The following ZDHHC11B variants were observed in gnomAD, a reference collection of about 807,000 sequenced individuals.
ZDHHC11B encodes the protein probable palmitoyltransferase ZDHHC11B.
A neutral mutation model predicts 42.3 loss-of-function variants in ZDHHC11B; 17 were observed. The ratio of observed to expected loss-of-function variants is 0.40; its 90% confidence interval spans 0.27 to 0.60. The LOEUF (loss-of-function observed/expected upper bound fraction) is 0.60. Among genes scored for constraint, ZDHHC11B ranks in the 20% least tolerant of loss-of-function variants. The pLI is 0.41. For synonymous variants in ZDHHC11B, 123 were observed against 193.5 expected (o/e 0.64, Z 3.02); for missense variants, 262 against 463.2 (o/e 0.57, Z 3.99).
chr5:731,701 TG>T (rs1743030811), intron 11 of ZDHHC11B, among the ~76,000 whole-genome samples: 1 of 151,962 alleles, frequency 6.6e-6, no homozygotes, highest in South Asian at 2.1e-4. Flanking sequence ...CAATTTTAAA[TG>T]CTTAAAGTCA....
At chr5:775,985 C>T (rs1232693848) in intron 1 of ZDHHC11B, among the ~76,000 whole-genome samples, 1 of 147,294 alleles carries the variant, frequency 6.8e-6, no homozygotes, top group Non-Finnish European at 1.5e-5. Flanking sequence ...CCCTGGTCCT[C>T]TCTCCATGGG....
intron 1 of ZDHHC11B, among the ~76,000 whole-genome samples, chr5:783,377 T>G (rs906669930): frequency 2.0e-5 from 3 of 152,248 alleles, no homozygotes; most frequent in Non-Finnish European, 4.4e-5. Context: ...CCGGCCTTGG[T>G]CCAGCCCCAT....
intron 10 of ZDHHC11B, among the ~76,000 whole-genome samples, chr5:736,119 A>G (rs1405076874): frequency 8.1e-5 from 12 of 148,980 alleles, no homozygotes; most frequent in South Asian, 2.3e-4. Context: ...GTAAAGTGGC[A>G]GAAAAGATAT....
intron 10 of ZDHHC11B, among the ~76,000 whole-genome samples, chr5:737,938 G>A (rs868108615): frequency 7.6e-6 from 1 of 131,432 alleles, no homozygotes; most frequent in African/African-American, 2.9e-5. Context: ...CACAGTACTG[G>A]AAGATCTAGC....
intron 1 of ZDHHC11B, among the ~76,000 whole-genome samples, chr5:777,906 G>A (rs1407777781): frequency 1.3e-5 from 2 of 151,278 alleles, no homozygotes; most frequent in African/African-American, 4.8e-5. Flanking sequence ...GAGGGAGCCC[G>A]GGGCGGGGGA....
chr5:772,402 C>T (rs1736135462), intron 1 of ZDHHC11B, among the ~76,000 whole-genome samples: 1 of 150,718 alleles, frequency 6.6e-6, no homozygotes, highest in South Asian at 2.1e-4. Flanking sequence ...CTACTGAAGA[C>T]AGACACTGCC....
intron 1 of ZDHHC11B, among the ~76,000 whole-genome samples, chr5:778,515 T>A (rs1362805039): frequency 1.3e-5 from 2 of 151,240 alleles, no homozygotes; most frequent in African/African-American, 2.4e-5. Flanking sequence ...CAGCGCAGCT[T>A]CACTGAGTGC....
At chr5:771,477 CGTGGGGGCAGGATCCTG>C (rs1425343757) in intron 1 of ZDHHC11B, among the ~76,000 whole-genome samples, 28 of 47,090 alleles carry the variant, frequency 5.9e-4, no homozygotes, top group African/African-American at 1.2e-3. Context: ...GGCAGGACCG[CGTGGGGGCAGGATCCTG>C]GTGGGGGCAG....
In ZDHHC11B at chr5:730,482, G is replaced by A. The variant is rs769806845; in HGVS notation, c.1024-14C>T. On this transcript the variant is annotated splice_polypyrimidine_tract_variant and intron_variant, in intron 11 of 13. Transcript: ENST00000508859. ...ATCATCTGCTTCCTGTGGGGGGAAG[G>A]GAAGCAAAATTCTTAGGATGAACAA... The A allele has an allele frequency of 2.6e-6, 4 of 1,554,730 alleles. No individual in the cohort carries two copies. The highest frequency in any genetic ancestry group is 3.4e-6 in the Non-Finnish European group (4 of 1,160,820).
chr5:760,759 T>C (rs757618291), intron 4 of ZDHHC11B, among the ~76,000 whole-genome samples: 1 of 151,778 alleles, frequency 6.6e-6, no homozygotes, highest in Non-Finnish European at 1.5e-5. Flanking sequence ...CAGAAAGCGA[T>C]ATGCCTGAGA....
intron 9 of ZDHHC11B, among the ~76,000 whole-genome samples, chr5:744,465 T>A (rs1744515528): frequency 6.7e-6 from 1 of 149,138 alleles, no homozygotes; most frequent in South Asian, 2.3e-4. Context: ...GATTTTAAAT[T>A]AGTAGTTTAG....
In ZDHHC11B at chr5:784,654, C is replaced by T. The variant is rs1323598519; in HGVS notation, c.-230+14G>A. ...CGCGCCGCGCCCGCAGGACCGAGCC[C>T]CGCGCCCGCTTACCTTGGAGACGCA... On this transcript the variant is annotated intron_variant, in intron 1 of 13. Transcript: ENST00000508859. 6.6e-6 allele frequency among the ~76,000 whole-genome samples: 1 copy of T among 151,090 alleles called. No individual in the cohort carries two copies. Among genetic ancestry groups the T allele is most frequent in the Non-Finnish European group, 1.5e-5 (1 of 67,542 alleles).
intron 7 of ZDHHC11B, among the ~76,000 whole-genome samples, chr5:749,552 A>G (rs1223344405): frequency 7.7e-6 from 1 of 129,716 alleles, no homozygotes; most frequent in African/African-American, 2.5e-5. Context: ...TGACATCACG[A>G]TGAGTTCAGC....
At chr5:750,547 T>C (rs1364403883) in intron 7 of ZDHHC11B, among the ~76,000 whole-genome samples, 1 of 130,564 alleles carries the variant, frequency 7.7e-6, no homozygotes, top group African/African-American at 2.5e-5. Flanking sequence ...CGCAGGCCCA[T>C]TTCCCGAGGA....
At chr5:759,095 A>G (rs1355201833) in intron 4 of ZDHHC11B, among the ~76,000 whole-genome samples, 2 of 151,920 alleles carry the variant, frequency 1.3e-5, no homozygotes, top group Non-Finnish European at 2.9e-5. Flanking sequence ...TAAAAAGTAA[A>G]AGAAGTAGAG....
intron 12 of ZDHHC11B, among the ~76,000 whole-genome samples, chr5:728,614 G>A (rs1742768477): frequency 6.6e-6 from 1 of 151,982 alleles, no homozygotes; most frequent in Non-Finnish European, 1.5e-5. Context: ...AATTCAGGAA[G>A]GGAGGTGCAG....
intron 11 of ZDHHC11B, among the ~76,000 whole-genome samples, chr5:730,904 C>G (rs527822906): frequency 6.6e-6 from 1 of 151,848 alleles, no homozygotes; most frequent in Non-Finnish European, 1.5e-5. Context: ...AGGAGAGAGG[C>G]CTTGGGAGAA....
rs1435331854 is a variant in ZDHHC11B at position 771,801 on chromosome 5, G to C, written c.-229-2871C>G. On this transcript the variant is annotated intron_variant, in intron 1 of 13. Coordinates refer to ENST00000508859, the MANE Select transcript of ZDHHC11B (RefSeq NM_001351303.2). ...TGGGATGCTTCAAACTCAGGGCTGC[G>C]TTCTGTGGTCTCATCTCCTGTGGGG... Among the ~76,000 whole-genome samples the C allele has an allele frequency of 1.0e-4, 15 of 148,748 alleles. No homozygotes were observed. The East Asian group carries it at 3.0e-3, about 30-fold the overall frequency.
chr5:760,587 G>A (rs1309281230), intron 4 of ZDHHC11B, among the ~76,000 whole-genome samples: 20 of 151,902 alleles, frequency 1.3e-4, no homozygotes, highest in Middle Eastern at 6.8e-3. Context: ...GACACGCCGC[G>A]GCCACCTGGT....
Sources: gnomAD v4.1 joint callset for allele counts (sites outside exome capture counted in the v4.1 genomes callset) on GRCh38, gnomAD v4.1.1 for gene constraint, MANE v1.5 for transcripts, NCBI Gene and HGNC (gene_info 2026-07-23, HGNC 2026-07-21) for gene names.